VWA8: variants seen among roughly 807,000 people sequenced by gnomAD.
VWA8 encodes the protein von Willebrand factor A domain-containing protein 8.
A neutral mutation model predicts 241.5 loss-of-function variants in VWA8; 221 were observed. That is an observed-to-expected ratio of 0.91 (90% CI 0.82 to 1.02). VWA8 has a LOEUF of 1.02. VWA8 is among the 50% of genes least tolerant of loss of function. The pLI is 0.00. For synonymous variants in VWA8, 852 were observed against 827.1 expected (o/e 1.03, Z -0.52); for missense variants, 2,322 against 2,328.7 (o/e 1.00, Z 0.06).
Position 41,614,995 on chromosome 13 carries a change from G to A in VWA8, c.4701C>T (p.Asn1567=). ...ACCAACCTGTTCCGCCAGCCCAAGT[G>A]TTGCCGCCCACGTGAGGCATGTTGT... ...DPDNMPHVGG[N]TWAGGTGGRD... is the part of the protein sequence containing the mutation. The change falls in exon 38 of 45, where the codon AAC becomes AAT. Residue 1567 remains asparagine, a synonymous_variant. Transcript: ENST00000379310. 6.2e-7 allele frequency: 1 copy of A among 1,613,500 alleles called. No homozygotes were observed. Among genetic ancestry groups the A allele is most frequent in the Non-Finnish European group, 8.5e-7 (1 of 1,179,946 alleles).
chr13:41,868,710 C>A (rs1213753603), intron 9 of VWA8, among the ~76,000 whole-genome samples: 2 of 151,362 alleles, frequency 1.3e-5, no homozygotes, highest in Admixed American at 6.6e-5. Flanking sequence ...ACGGTGAAAC[C>A]CCGTCTCTAC....
At position 41,692,925 on chromosome 13, in the gene VWA8, A is replaced by T. The variant is rs2137818991; in HGVS notation, c.3612T>A (p.Arg1204=). 2 of 1,611,636 alleles carry T rather than the reference A, an allele frequency of 1.2e-6. No individual in the cohort carries two copies. Among genetic ancestry groups the T allele is most frequent in the Admixed American group, 3.3e-5 (2 of 59,820 alleles). Residue 1204 remains arginine, a synonymous_variant, in exon 30 of 45, where the codon CGT becomes CGA. Transcript: ENST00000379310. The part of the protein sequence containing the change: ...LLDTTGRALH[R]LILPSEKFTS... ...TAAACTTCTCGGAAGGGAGGATGAGACGATGAAGGGCCCGGCCAGTAGTAT... is the reference window on the plus strand; with the variant it reads ...TAAACTTCTCGGAAGGGAGGATGAGTCGATGAAGGGCCCGGCCAGTAGTAT...
In VWA8 at chr13:41,865,649, T is replaced by G. The variant is rs556890976; in HGVS notation, c.1425+87A>C. The stretch of plus-strand genomic sequence containing the variant: ...CTTTACCTATATAAAAAAACACAGG[T>G]CATAACAAGAAGATATCCATAAATT... On this transcript the variant is annotated intron_variant, in intron 12 of 44. Coordinates refer to ENST00000379310, the MANE Select transcript of VWA8 (RefSeq NM_015058.2). 2.1e-6 allele frequency: 3 copies of G among 1,437,528 alleles called. No homozygotes were observed. In the East Asian group the frequency reaches 7.0e-5, roughly 34 times the overall value. The allele number at this position is 1,437,528 out of a possible 1,614,324, so 89.0% of individuals were successfully genotyped here.
intron 38 of VWA8, among the ~76,000 whole-genome samples, chr13:41,614,665 G>A (rs764554451): frequency 2.0e-5 from 3 of 152,156 alleles, no homozygotes; most frequent in Non-Finnish European, 2.9e-5. Flanking sequence ...CTTAACAATC[G>A]TAATCTCATT....
intron 40 of VWA8, among the ~76,000 whole-genome samples, chr13:41,603,740 TCTGAACTCA>T (rs2044536594): frequency 6.6e-6 from 1 of 152,148 alleles, no homozygotes; most frequent in Non-Finnish European, 1.5e-5. Flanking sequence ...TCTGTCCTTC[TCTGAACTCA>T]CTGTGCTCTC....
At chr13:41,616,727 A>G (rs2044622686) in intron 37 of VWA8, among the ~76,000 whole-genome samples, 1 of 152,204 alleles carries the variant, frequency 6.6e-6, no homozygotes, top group Admixed American at 6.5e-5. Context: ...CATGTGAAAT[A>G]TGGCTTGTGC....
chr13:41,800,819 T>G (rs1386099673), intron 17 of VWA8, among the ~76,000 whole-genome samples: 2 of 151,592 alleles, frequency 1.3e-5, no homozygotes, highest in African/African-American at 4.8e-5. Context: ...AACACCGTGT[T>G]TTAGAAGAGA....
At chr13:41,884,369 C>T (rs1475813473) in intron 8 of VWA8, among the ~76,000 whole-genome samples, 1 of 131,186 alleles carries the variant, frequency 7.6e-6, no homozygotes, top group Non-Finnish European at 1.6e-5. Flanking sequence ...TCTCCTGCCA[C>T]CATGTGAAGG....
At chr13:41,783,343 T>A (rs1428984949) in intron 19 of VWA8, among the ~76,000 whole-genome samples, 6 of 151,696 alleles carry the variant, frequency 4.0e-5, no homozygotes, top group Admixed American at 6.6e-5. Context: ...TCTTATGTCT[T>A]AATAAAAGTT....
At chr13:41,863,215 G>A (rs1243493642) in intron 12 of VWA8, among the ~76,000 whole-genome samples, 10 of 148,290 alleles carry the variant, frequency 6.7e-5, no homozygotes, top group African/African-American at 2.6e-4. Context: ...TCTTTCTCGC[G>A]TGCTGGATGC....
intron 21 of VWA8, among the ~76,000 whole-genome samples, chr13:41,760,585 C>T (rs1404673431): frequency 5.9e-5 from 9 of 151,660 alleles, no homozygotes; most frequent in East Asian, 3.9e-4. Context: ...AAAATTAGAA[C>T]GGGTTCACTC....
At chr13:41,623,004 C>T (rs1397902179) in intron 37 of VWA8, among the ~76,000 whole-genome samples, 1 of 152,124 alleles carries the variant, frequency 6.6e-6, no homozygotes, top group Non-Finnish European at 1.5e-5. Context: ...GAATTAAGCA[C>T]AATAATCCCA....
Position 41,691,938 on chromosome 13 carries a change from C to T in VWA8, c.3676G>A (p.Glu1226Lys). The T allele has an allele frequency of 6.2e-7, 1 of 1,602,762 alleles. No homozygotes were observed. Among genetic ancestry groups the T allele is most frequent in the South Asian group, 1.1e-5 (1 of 90,622 alleles). ...KPFWWNKEEA[E>K]TYKMCKEFSH... ...AATTCTTTACACATTTTATAAGTTTCCTAAAGACAAACAAAACAAGATATT... is the reference window on the plus strand; with the variant it reads ...AATTCTTTACACATTTTATAAGTTTTCTAAAGACAAACAAAACAAGATATT... Residue 1226 changes from glutamate (E) to lysine (K), a missense_variant and splice_region_variant, in exon 31 of 45, where the codon GAA becomes AAA. Glu to Lys is a moderately conservative substitution (Grantham distance 56, BLOSUM62 1). Coordinates refer to ENST00000379310, the MANE Select transcript of VWA8 (RefSeq NM_015058.2).
intron 2 of VWA8, among the ~76,000 whole-genome samples, chr13:41,929,857 A>G (rs2138138627): frequency 6.6e-6 from 1 of 152,342 alleles, no homozygotes; most frequent in Non-Finnish European, 1.5e-5. Flanking sequence ...CCAAAAGCTC[A>G]AACTACAAAA....
At chr13:41,742,909 T>C (rs891874796) in intron 21 of VWA8, among the ~76,000 whole-genome samples, 1 of 152,170 alleles carries the variant, frequency 6.6e-6, no homozygotes, top group African/African-American at 2.4e-5. Flanking sequence ...AAGAAAGGAA[T>C]CAACATCTGC....
chr13:41,924,765 T>C lies in VWA8; in HGVS notation c.242-12597A>G, dbSNP rs546038093. On this transcript the variant is annotated intron_variant, in intron 2 of 44. Transcript: ENST00000379310. ...TGTTTCTCTGAAGCACTTTCTTTTTTTTTTTTTTAATTATACTTTAAGTTC... is the reference window on the plus strand; with the variant it reads ...TGTTTCTCTGAAGCACTTTCTTTTTCTTTTTTTTAATTATACTTTAAGTTC... Among the ~76,000 whole-genome samples, 24 of 152,200 alleles carry C rather than the reference T, an allele frequency of 1.6e-4. 1 individual carries two copies. The East Asian group carries it at 4.1e-3, about 26-fold the overall frequency.
chr13:41,864,142 A>T lies in VWA8; in HGVS notation c.1425+1594T>A, dbSNP rs934232018. Among the ~76,000 whole-genome samples the T allele has an allele frequency of 2.6e-4, 26 of 99,214 alleles. No homozygotes were observed. The South Asian group carries it at 6.7e-3, about 26-fold the overall frequency. 65.1% of individuals were successfully genotyped at this position (99,214 alleles called of 152,430 possible). On this transcript the variant is annotated intron_variant, in intron 12 of 44. Transcript: ENST00000379310. Reference sequence around the variant, plus strand: ...TCGCAGCCATTAGGATGATGATTATAAAAAAAAAAAAAAAAAAGAAAGAAA... The same window carrying T: ...TCGCAGCCATTAGGATGATGATTATTAAAAAAAAAAAAAAAAAGAAAGAAA...
At chr13:41,730,284 T>C (rs1272035594) in intron 22 of VWA8, among the ~76,000 whole-genome samples, 3 of 152,046 alleles carry the variant, frequency 2.0e-5, no homozygotes, top group African/African-American at 7.2e-5. Context: ...ACTGGAAGGG[T>C]AGACTGGGTG....
chr13:41,882,416 G>A (rs1288259667), intron 9 of VWA8, among the ~76,000 whole-genome samples: 8 of 152,204 alleles, frequency 5.3e-5, no homozygotes, highest in African/African-American at 1.7e-4. Flanking sequence ...GCCAGGCAGA[G>A]GCTGCAATCT....
Sources: allele counts gnomAD v4.1 joint callset (sites outside exome capture counted in the v4.1 genomes callset), GRCh38; gene constraint gnomAD v4.1.1; transcripts MANE v1.5; gene names NCBI Gene and HGNC (gene_info 2026-07-23, HGNC 2026-07-21).